The following PSD3 variants were observed in gnomAD, a reference collection of about 807,000 sequenced individuals.
The protein encoded by PSD3 is pleckstrin and Sec7 domain containing 3.
Under a neutral mutation model 105.5 loss-of-function variants are expected in PSD3, and 49 were observed. The observed-to-expected ratio is 0.46, with a 90% CI of 0.37 to 0.59. The LOEUF is 0.59. PSD3 is among the 20% of genes least tolerant of loss of function. The pLI, the probability that PSD3 is intolerant of heterozygous loss-of-function variation, is 0.00. For missense variants in PSD3, 1,561 were observed against 1,263.8 expected (o/e 1.24, Z -3.57); for synonymous variants, 557 against 457.8 (o/e 1.22, Z -2.77).
At chr8:18,889,359 T>A (rs766013583) in intron 2 of PSD3, among the ~76,000 whole-genome samples, 8 of 152,058 alleles carry the variant, frequency 5.3e-5, no homozygotes, top group Non-Finnish European at 8.8e-5. Flanking sequence ...GGCTGGCTAA[T>A]TCCTAGAGAC....
At chr8:18,860,595 CTT>C (rs1256612623) in intron 4 of PSD3, among the ~76,000 whole-genome samples, 1 of 152,116 alleles carries the variant, frequency 6.6e-6, no homozygotes, top group African/African-American at 2.4e-5. Flanking sequence ...AAACAAGACC[CTT>C]TTGAGTTCAG....
chr8:18,806,799 G>C (rs563221306), intron 4 of PSD3, among the ~76,000 whole-genome samples: 1 of 152,144 alleles, frequency 6.6e-6, no homozygotes, highest in African/African-American at 2.4e-5. Flanking sequence ...ACCATTTACT[G>C]TCTAAACCAG....
intron 9 of PSD3, among the ~76,000 whole-genome samples, chr8:18,689,183 G>A (rs1800831173): frequency 6.6e-6 from 1 of 152,292 alleles, no homozygotes; most frequent in East Asian, 1.9e-4. Flanking sequence ...CCAGATGCTG[G>A]GGACACACAA....
At chr8:18,561,473 G>A (rs1314219827) in intron 14 of PSD3, among the ~76,000 whole-genome samples, 1 of 152,124 alleles carries the variant, frequency 6.6e-6, no homozygotes, top group African/African-American at 2.4e-5. Flanking sequence ...CTGGGGGCAA[G>A]GGACTGGGGA....
intron 1 of PSD3, among the ~76,000 whole-genome samples, chr8:19,047,932 G>A (rs768576053): frequency 6.6e-6 from 1 of 152,058 alleles, no homozygotes; most frequent in Non-Finnish European, 1.5e-5. Context: ...AGTGTCTCCT[G>A]GCTAGATTTC....
Position 18,872,738 on chromosome 8 carries a change from G to T in PSD3, c.131-5C>A, listed in dbSNP as rs1330966438. On this transcript the variant is annotated splice_polypyrimidine_tract_variant and splice_region_variant and intron_variant, in intron 2 of 15. Transcript: ENST00000327040. ...AAGTGCTTCCTCCATGATCACCTGT[G>T]AAGAGAACACAATGGACATATGACT... 5.8e-6 allele frequency: 9 copies of T among 1,541,958 alleles called. No individual in the cohort carries two copies. Among genetic ancestry groups the T allele is most frequent in the Middle Eastern group, 1.8e-4 (1 of 5,698 alleles).
At chr8:18,618,248 C>T (rs1336026950) in intron 11 of PSD3, among the ~76,000 whole-genome samples, 4 of 141,184 alleles carry the variant, frequency 2.8e-5, no homozygotes, top group Admixed American at 2.8e-4. Flanking sequence ...CCCTTCTGGG[C>T]TAAATCAATC....
At chr8:18,741,974 T>C (rs1332920200) in intron 9 of PSD3, among the ~76,000 whole-genome samples, 1 of 152,172 alleles carries the variant, frequency 6.6e-6, no homozygotes, top group East Asian at 1.9e-4. Flanking sequence ...TAAACGAAAG[T>C]GTTTAAGAAA....
At position 18,530,533 on chromosome 8, in the gene PSD3, T is replaced by C. The variant is rs1039637339; in HGVS notation, c.*5210A>G. ...ATACATAAATGATATGGTGGGTACT[T>C]AATTCTTCCGAAAGCTATATTTTTT... On this transcript the variant is annotated 3_prime_UTR_variant, in exon 16 of 16. Coordinates refer to ENST00000327040, the MANE Select transcript of PSD3 (RefSeq NM_015310.4). 6.6e-6 allele frequency: 1 copy of C among 152,654 alleles called. No individual in the cohort carries two copies. Among genetic ancestry groups the C allele is most frequent in the East Asian group, 1.9e-4 (1 of 5,196 alleles). The allele number at this position is 152,654 out of a possible 1,614,324, so 9.5% of individuals were successfully genotyped here. A position where few individuals can be genotyped will look rare whatever the true frequency, so the allele number is the denominator to read the frequency against.
chr8:18,736,016 A>T (rs1223805042), intron 9 of PSD3, among the ~76,000 whole-genome samples: 2 of 152,212 alleles, frequency 1.3e-5, no homozygotes, highest in Non-Finnish European at 2.9e-5. Flanking sequence ...ATCTAACTAT[A>T]AATTGTTTTT....
chr8:18,995,693 A>T (rs998641844), intron 1 of PSD3, among the ~76,000 whole-genome samples: 3 of 152,048 alleles, frequency 2.0e-5, no homozygotes, highest in African/African-American at 7.2e-5. Context: ...AGGCCTCACA[A>T]CCATGGAGGA....
intron 10 of PSD3, among the ~76,000 whole-genome samples, chr8:18,648,605 A>T (rs1808234801): frequency 6.6e-6 from 1 of 152,216 alleles, no homozygotes; most frequent in Non-Finnish European, 1.5e-5. Context: ...GCCATGTGAA[A>T]ATTTGCAGCA....
At chr8:19,016,717 C>T (rs75700949), upstream of PSD3, among the ~76,000 whole-genome samples, 274 of 152,338 alleles carry the variant, frequency 1.8e-3, no homozygotes, top group African/African-American at 6.4e-3. Flanking sequence ...AGAAATGAAT[C>T]TCTCACAGTT....
chr8:18,713,051 A>C (rs954789053), intron 9 of PSD3, among the ~76,000 whole-genome samples: 8 of 152,192 alleles, frequency 5.3e-5, no homozygotes, highest in Admixed American at 1.3e-4. Flanking sequence ...TTATCTCGAT[A>C]GATACCAAAA....
intron 12 of PSD3, among the ~76,000 whole-genome samples, chr8:18,583,218 C>T (rs929434050): frequency 1.3e-5 from 2 of 152,094 alleles, no homozygotes; most frequent in African/African-American, 2.4e-5. Context: ...GCAGGAGGAT[C>T]GCTTAAGTTG....
chr8:18,834,558 G>A (rs1054861002), intron 4 of PSD3, among the ~76,000 whole-genome samples: 2 of 152,162 alleles, frequency 1.3e-5, no homozygotes, highest in African/African-American at 4.8e-5. Context: ...GTGACCAGCT[G>A]ATAAAACTGA....
intron 9 of PSD3, among the ~76,000 whole-genome samples, chr8:18,737,719 T>C (rs1389381246): frequency 1.3e-5 from 2 of 152,328 alleles, no homozygotes; most frequent in Admixed American, 6.5e-5. Flanking sequence ...TTATTTTTTT[T>C]CCCCAGGGTA....
intron 11 of PSD3, among the ~76,000 whole-genome samples, chr8:18,607,814 A>G (rs937445182): frequency 6.6e-6 from 1 of 152,046 alleles, no homozygotes. Flanking sequence ...ACAGTTCAGC[A>G]TGGCTGGGGA....
chr8:18,954,926 T>C (rs1823469212), intron 1 of PSD3, among the ~76,000 whole-genome samples: 1 of 152,104 alleles, frequency 6.6e-6, no homozygotes, highest in Non-Finnish European at 1.5e-5. Flanking sequence ...GTAAGTGACG[T>C]CACGTTAGGA....
Sources: gnomAD v4.1 joint callset for allele counts (sites outside exome capture counted in the v4.1 genomes callset) on GRCh38, gnomAD v4.1.1 for gene constraint, MANE v1.5 for transcripts, NCBI Gene and HGNC (gene_info 2026-07-23, HGNC 2026-07-21) for gene names.